Variants in ANO3 observed in about 807,000 individuals in gnomAD.
The protein encoded by ANO3 is anoctamin-3.
In ANO3, 99 loss-of-function variants were observed where a neutral mutation model predicts 144.8. The ratio of observed to expected loss-of-function variants is 0.68; its 90% CI spans 0.58 to 0.81. ANO3 has a LOEUF of 0.81. ANO3 is among the 30% of genes least tolerant of loss of function. The pLI is 0.00. For synonymous variants in ANO3, 414 were observed against 392.6 expected (o/e 1.05, Z -0.64); for missense variants, 905 against 1,202.2 (o/e 0.75, Z 3.66).
chr11:26,577,259 T>A (rs1851010815), intron 14 of ANO3, among the ~76,000 whole-genome samples: 1 of 152,136 alleles, frequency 6.6e-6, no homozygotes, highest in Admixed American at 6.6e-5. Flanking sequence ...TATCAGATTT[T>A]TTTTAAAAAA....
chr11:26,350,889 G>T (rs1041639763), intron 1 of ANO3, among the ~76,000 whole-genome samples: 1 of 151,956 alleles, frequency 6.6e-6, no homozygotes, highest in Non-Finnish European at 1.5e-5. Context: ...GCTCTTTTCT[G>T]CCCAAATTCT....
chr11:26,659,046 G>C lies in ANO3; in HGVS notation c.2764-1216G>C, dbSNP rs572390100. Among the ~76,000 whole-genome samples the C allele has an allele frequency of 1.6e-3, 236 of 151,510 alleles. 1 individual carries two copies. Among genetic ancestry groups the C allele is most frequent in the African/African-American group, 5.4e-3 (225 of 41,352 alleles). On this transcript the variant is annotated intron_variant, in intron 26 of 26. Coordinates refer to ENST00000256737, the MANE Select transcript of ANO3 (RefSeq NM_031418.4). ...AATAACAGGAGGTAATATTTAAGCA[G>C]GGCTCACACTATGACAAGCAATCCT...
intron 1 of ANO3, among the ~76,000 whole-genome samples, chr11:26,319,127 C>T (rs1854697133): frequency 6.9e-6 from 1 of 144,680 alleles, no homozygotes; most frequent in Non-Finnish European, 1.5e-5. Flanking sequence ...CAGGTGTGTG[C>T]CACTACTTCC....
chr11:26,555,520 A>T (rs1426248197), intron 13 of ANO3, among the ~76,000 whole-genome samples: 1 of 152,172 alleles, frequency 6.6e-6, no homozygotes, highest in Non-Finnish European at 1.5e-5. Context: ...TTCTGAACAG[A>T]GAAAGGTACA....
chr11:26,337,593 TA>T (rs565565078), intron 1 of ANO3, among the ~76,000 whole-genome samples: 3 of 152,170 alleles, frequency 2.0e-5, no homozygotes, highest in African/African-American at 4.8e-5. Context: ...CTCAAACCCT[TA>T]AAAAATCCAA....
chr11:26,452,883 G>T (rs138434315), intron 3 of ANO3, among the ~76,000 whole-genome samples: 1 of 152,112 alleles, frequency 6.6e-6, no homozygotes, highest in Non-Finnish European at 1.5e-5. Context: ...CAGATCTCTC[G>T]GCAGAAACTC....
intron 4 of ANO3, among the ~76,000 whole-genome samples, chr11:26,467,865 A>G (rs917772966): frequency 3.3e-5 from 5 of 151,898 alleles, no homozygotes; most frequent in Non-Finnish European, 5.9e-5. Context: ...AGCATTTTGT[A>G]ATGAAAGGAA....
chr11:26,428,462 C>A (rs1249671404), intron 1 of ANO3, among the ~76,000 whole-genome samples: 1 of 152,026 alleles, frequency 6.6e-6, no homozygotes, highest in Admixed American at 6.5e-5. Context: ...TTCTCAATAG[C>A]AAAGTACAAA....
At chr11:26,280,864 C>T (rs893546989) in intron 1 of ANO3, among the ~76,000 whole-genome samples, 2 of 152,166 alleles carry the variant, frequency 1.3e-5, no homozygotes, top group Admixed American at 6.5e-5. Context: ...AGCCATAAGG[C>T]CTCTGCACAA....
intron 3 of ANO3, among the ~76,000 whole-genome samples, chr11:26,450,634 A>G (rs1590369687): frequency 6.6e-6 from 1 of 152,214 alleles, no homozygotes; most frequent in Non-Finnish European, 1.5e-5. Flanking sequence ...GGTACACACC[A>G]TCTTTGCCTG....
intron 8 of ANO3, among the ~76,000 whole-genome samples, chr11:26,533,664 A>T (rs1430742903): frequency 6.6e-6 from 1 of 152,230 alleles, no homozygotes; most frequent in Non-Finnish European, 1.5e-5. Context: ...TTCTACTCAT[A>T]ATCTAGGCAA....
At chr11:26,639,942 C>A (rs933582104) in intron 21 of ANO3, among the ~76,000 whole-genome samples, 1 of 152,128 alleles carries the variant, frequency 6.6e-6, no homozygotes, top group Admixed American at 6.5e-5. Context: ...GAATAATTTC[C>A]TGACTATTGG....
chr11:26,384,474 A>C (rs1856671292), intron 1 of ANO3, among the ~76,000 whole-genome samples: 1 of 152,178 alleles, frequency 6.6e-6, no homozygotes, highest in African/African-American at 2.4e-5. Flanking sequence ...GGATTATATG[A>C]GGTAGGGCTT....
chr11:26,535,158 A>T (rs370058530), intron 9 of ANO3, among the ~76,000 whole-genome samples: 37 of 152,314 alleles, frequency 2.4e-4, no homozygotes, highest in African/African-American at 6.0e-4. Context: ...TCTTAAACCC[A>T]CATACATAAA....
intron 17 of ANO3, among the ~76,000 whole-genome samples, chr11:26,610,921 G>A (rs1001005244): frequency 1.3e-5 from 2 of 151,948 alleles, no homozygotes; most frequent in Non-Finnish European, 2.9e-5. Flanking sequence ...AAACTTTTTG[G>A]TGTATAATTG....
At chr11:26,268,430 G>T (rs1408436885) in intron 1 of ANO3, among the ~76,000 whole-genome samples, 5 of 152,046 alleles carry the variant, frequency 3.3e-5, no homozygotes, top group Non-Finnish European at 7.4e-5. Context: ...ACAGCCCCTC[G>T]GGGGTTTGAT....
chr11:26,526,083 A>C (rs1337275713), intron 7 of ANO3, among the ~76,000 whole-genome samples: 1 of 152,102 alleles, frequency 6.6e-6, no homozygotes, highest in Non-Finnish European at 1.5e-5. Context: ...GAAGTGGCAA[A>C]GATTAGTGTT....
chr11:26,582,111 T>C (rs1020890719), intron 14 of ANO3, among the ~76,000 whole-genome samples: 3 of 152,220 alleles, frequency 2.0e-5, no homozygotes, highest in Non-Finnish European at 4.4e-5. Flanking sequence ...ATTAGAAATA[T>C]ATGCACCTTT....
At chr11:26,490,187 C>T (rs538573307) in intron 4 of ANO3, among the ~76,000 whole-genome samples, 11 of 152,130 alleles carry the variant, frequency 7.2e-5, no homozygotes, top group East Asian at 3.9e-4. Flanking sequence ...GAATAAGTCT[C>T]GTGAGATCTG....
Sources: allele counts gnomAD v4.1 joint callset (sites outside exome capture counted in the v4.1 genomes callset), GRCh38; gene constraint gnomAD v4.1.1; transcripts MANE v1.5; gene names NCBI Gene and HGNC (gene_info 2026-07-23, HGNC 2026-07-21).